Variants in PCDHGA10 observed in about 807,000 individuals in gnomAD.
The protein encoded by PCDHGA10 is protocadherin gamma subfamily A, 10, also known as protocadherin gamma-A10.
A neutral mutation model predicts 59.5 loss-of-function variants in PCDHGA10; 42 were observed. The ratio of observed to expected loss-of-function variants is 0.71; its 90% CI spans 0.55 to 0.91. The LOEUF is 0.91. Among genes scored for constraint, PCDHGA10 ranks in the 40% least tolerant of loss-of-function variants. PCDHGA10 has a pLI of 0.00. For missense variants in PCDHGA10, 1,111 were observed against 1,198.2 expected (o/e 0.93, Z 1.07); for synonymous variants, 511 against 517.2 (o/e 0.99, Z 0.16).
chr5:141,476,601 C>A lies in PCDHGA10; in HGVS notation c.2437-18206C>A. On this transcript the variant is annotated intron_variant, in intron 1 of 3. Coordinates refer to ENST00000398610, the MANE Select transcript of PCDHGA10 (RefSeq NM_018913.3). The surrounding 1 kb of genome is among the most constrained non-coding windows in gnomAD (Gnocchi z 7.6). ...TTTCCGCTCGAGAGCGCGCACGATC[C>A]CGATGTGGGAAGCAACTCTTTACAA... The A allele has an allele frequency of 6.2e-7, 1 of 1,614,228 alleles. No homozygotes were observed. The highest frequency in any genetic ancestry group is 2.2e-5 in the East Asian group (1 of 44,878).
chr5:141,429,387 TAA>T (rs11410533), intron 1 of PCDHGA10, among the ~76,000 whole-genome samples: 155 of 151,446 alleles, frequency 1.0e-3, no homozygotes, highest in African/African-American at 3.5e-3. Flanking sequence ...GTTTTTTTTT[TAA>T]AAAAAATTGA....
In PCDHGA10 at chr5:141,414,961, G is replaced by A. The variant is rs1357376957; in HGVS notation, c.1786G>A (p.Val596Met). ...AEPGYLVTKV[V>M]AVDRDSGQNA... Reference sequence around the variant, plus strand: ...GCCCGGCTACCTGGTGACCAAGGTGGTGGCGGTGGACAGAGACTCCGGCCA... The same window carrying A: ...GCCCGGCTACCTGGTGACCAAGGTGATGGCGGTGGACAGAGACTCCGGCCA... The change falls in exon 1 of 4, where the codon GTG (valine) becomes ATG (methionine). Residue 596 changes from valine to methionine, a missense_variant. Transcript: ENST00000398610. 2.5e-6 allele frequency: 4 copies of A among 1,614,028 alleles called. No individual in the cohort carries two copies. In the Admixed American group the frequency reaches 6.7e-5, roughly 27 times the overall value.
intron 1 of PCDHGA10, among the ~76,000 whole-genome samples, chr5:141,460,983 GTA>G (rs59296681): frequency 1.2e-4 from 16 of 137,836 alleles, no homozygotes; most frequent in East Asian, 2.1e-4. Context: ...GTGTGTGTGT[GTA>G]TATATATATA....
intron 1 of PCDHGA10, among the ~76,000 whole-genome samples, chr5:141,467,075 C>A (rs2099136382): frequency 6.9e-6 from 1 of 145,470 alleles, no homozygotes; most frequent in Non-Finnish European, 1.5e-5. Flanking sequence ...TTTTTTTAGA[C>A]CAAGTCTCAC....
chr5:141,458,171 A>G (rs548935841), intron 1 of PCDHGA10, among the ~76,000 whole-genome samples: 74 of 152,336 alleles, frequency 4.9e-4, no homozygotes, highest in African/African-American at 1.6e-3. Flanking sequence ...TCACAGTAGT[A>G]TACCTTACTT....
intron 1 of PCDHGA10, among the ~76,000 whole-genome samples, chr5:141,467,823 T>A (rs1225960296): frequency 1.3e-5 from 2 of 152,012 alleles, no homozygotes; most frequent in African/African-American, 2.4e-5. Flanking sequence ...CACACCAGGC[T>A]GATTTTTATA....
At chr5:141,508,662 T>G (rs2099870759) in intron 3 of PCDHGA10, among the ~76,000 whole-genome samples, 1 of 152,122 alleles carries the variant, frequency 6.6e-6, no homozygotes, top group Non-Finnish European at 1.5e-5. Context: ...CCTGTCATTC[T>G]GTCTCTGCCT....
chr5:141,487,822 G>C lies in PCDHGA10; in HGVS notation c.2437-6985G>C. On this transcript the variant is annotated intron_variant, in intron 1 of 3. Coordinates refer to ENST00000398610, the MANE Select transcript of PCDHGA10 (RefSeq NM_018913.3). The surrounding 1 kb of genome is among the most constrained non-coding windows in gnomAD (Gnocchi z 5.0). ...TGTCACAGTTTAGCATTGGGGGCGGGTCATGCCTATATCTGAGTAAGAAAT... is the reference window on the plus strand; with the variant it reads ...TGTCACAGTTTAGCATTGGGGGCGGCTCATGCCTATATCTGAGTAAGAAAT... 1 of 1,278,758 alleles carries C rather than the reference G, an allele frequency of 7.8e-7. No individual in the cohort carries two copies. The highest frequency in any genetic ancestry group is 1.4e-5 in the South Asian group (1 of 69,172). The allele number at this position is 1,278,758 out of a possible 1,614,324, so 79.2% of individuals were successfully genotyped here. A position where few individuals can be genotyped will look rare whatever the true frequency, so the allele number is the denominator to read the frequency against.
At chr5:141,429,735 T>C (rs911956546) in intron 1 of PCDHGA10, among the ~76,000 whole-genome samples, 1 of 152,202 alleles carries the variant, frequency 6.6e-6, no homozygotes. Flanking sequence ...ACGTAGCCAG[T>C]TATTTCTTAG....
At position 141,481,036 on chromosome 5, in the gene PCDHGA10, C is replaced by T. The variant is rs1040377549; in HGVS notation, c.2437-13771C>T. Among the ~76,000 whole-genome samples, 19 of 151,964 alleles carry T rather than the reference C, an allele frequency of 1.3e-4. 1 individual carries two copies. The highest frequency in any genetic ancestry group is 3.4e-4 in the African/African-American group (14 of 41,456). ...TCACACCACTGCACTCCAGCCTGGG[C>T]GACAGAGCGAGACTCCACCTCAAAA... is the stretch of plus-strand genomic sequence containing the variant. On this transcript the variant is annotated intron_variant, in intron 1 of 3. Transcript: ENST00000398610.
Position 141,476,667 on chromosome 5 carries a change from T to C in PCDHGA10, c.2437-18140T>C. 6.2e-7 allele frequency: 1 copy of C among 1,614,234 alleles called. No individual in the cohort carries two copies. Among genetic ancestry groups the C allele is most frequent in the Non-Finnish European group, 8.5e-7 (1 of 1,180,042 alleles). ...CGAAATGAATACTTTGCGCTTCGCG[T>C]GCAGACGCGGGAGGACAGCACCAAG... On this transcript the variant is annotated intron_variant, in intron 1 of 3. Transcript: ENST00000398610. The surrounding 1 kb of genome is among the most constrained non-coding windows in gnomAD (Gnocchi z 7.6).
At chr5:141,504,995 G>A (rs1214858212) in intron 2 of PCDHGA10, among the ~76,000 whole-genome samples, 6 of 151,980 alleles carry the variant, frequency 3.9e-5, no homozygotes, top group African/African-American at 1.5e-4. Context: ...AACCCCGTCT[G>A]TACTAAAAAT....
rs2097419057 is a variant in PCDHGA10 at position 141,431,807 on chromosome 5, A to G, written c.2436+16196A>G. 4 of 1,614,050 alleles carry G rather than the reference A, an allele frequency of 2.5e-6. No individual in the cohort carries two copies. Among genetic ancestry groups the G allele is most frequent in the Non-Finnish European group, 2.5e-6 (3 of 1,180,038 alleles). On this transcript the variant is annotated intron_variant, in intron 1 of 3. Coordinates refer to ENST00000398610, the MANE Select transcript of PCDHGA10 (RefSeq NM_018913.3). This position sits in a 1 kb window ranked among gnomAD's most constrained non-coding sequence, Gnocchi z 4.8. ...CGACAATGCCCCAGAAGTGGTCCTC[A>G]CCTCTCTCGCCAGCTCGGTTCCCGA... is the stretch of plus-strand genomic sequence containing the variant.
chr5:141,478,847 AAC>A (rs2099480409), intron 1 of PCDHGA10: 1 of 1,389,782 alleles, frequency 7.2e-7, no homozygotes, highest in South Asian at 1.5e-5. Context: ...GTTAAGCTAA[AAC>A]ACAAGATCTC....
Position 141,511,159 on chromosome 5 carries a change from AAGG to A in PCDHGA10, c.2800_2802del (p.Glu934del), listed in dbSNP as rs1477173987. 3 of 1,614,186 alleles carry A rather than the reference AAGG, an allele frequency of 1.9e-6. No individual in the cohort carries two copies. The highest frequency in any genetic ancestry group is 2.2e-5 in the East Asian group (1 of 44,872). On this transcript the variant is annotated inframe_deletion, in exon 4 of 4. Coordinates refer to ENST00000398610, the MANE Select transcript of PCDHGA10 (RefSeq NM_018913.3). ...TGGCAACAAGAAGAAGTCGGGCAAG[AAGG>A]AGAAGAAGTAACATGGAGGCCAGGC... is the stretch of plus-strand genomic sequence containing the variant.
At chr5:141,418,872 T>C (rs1351483025) in intron 1 of PCDHGA10, 11 of 1,613,996 alleles carry the variant, frequency 6.8e-6, no homozygotes, top group East Asian at 2.2e-5. Context: ...GTAGAAGTTG[T>C]AGACGAAAAC....
chr5:141,478,594 C>T, intron 1 of PCDHGA10: 2 of 1,569,448 alleles, frequency 1.3e-6, no homozygotes, highest in Non-Finnish European at 1.7e-6. Context: ...TTTTTTATTC[C>T]TACATCATAT....
At position 141,485,968 on chromosome 5, in the gene PCDHGA10, T is replaced by C; in HGVS notation, c.2437-8839T>C. On this transcript the variant is annotated intron_variant, in intron 1 of 3. Coordinates refer to ENST00000398610, the MANE Select transcript of PCDHGA10 (RefSeq NM_018913.3). The surrounding 1 kb of genome is among the most constrained non-coding windows in gnomAD (Gnocchi z 5.7). The stretch of plus-strand genomic sequence containing the variant: ...CGGGCATGGTGCTCATCCAGCTCAA[T>C]GCCTCAGACCCGGACCTGGGTCCCA... 6.2e-7 allele frequency: 1 copy of C among 1,614,216 alleles called. No homozygotes were observed. The highest frequency in any genetic ancestry group is 1.1e-5 in the South Asian group (1 of 91,088).
At chr5:141,488,031 A>G (rs1475176300) in intron 1 of PCDHGA10, among the ~76,000 whole-genome samples, 1 of 152,122 alleles carries the variant, frequency 6.6e-6, no homozygotes, top group Non-Finnish European at 1.5e-5. Context: ...CTAGGTTACC[A>G]TTTCCCAAGG....
Sources: allele counts gnomAD v4.1 joint callset (sites outside exome capture counted in the v4.1 genomes callset), GRCh38; gene constraint gnomAD v4.1.1; non-coding constraint Gnocchi (gnomAD v3.1); transcripts MANE v1.5; gene names NCBI Gene and HGNC (gene_info 2026-07-23, HGNC 2026-07-21).